The following ZFHX4 variants were observed in gnomAD, a reference collection of about 807,000 sequenced individuals.
The protein encoded by ZFHX4 is zinc finger homeobox 4.
ZFHX4 carries 56 observed loss-of-function variants against 267.6 expected under a neutral mutation model. That is an observed-to-expected ratio of 0.21 (90% CI 0.17 to 0.26). The LOEUF (loss-of-function observed/expected upper bound fraction) is 0.26. Ranked by LOEUF, ZFHX4 falls within the 10% of genes least tolerant of loss-of-function variation. The probability of loss-of-function intolerance (pLI) is 1.00; values close to 1 mark genes in which losing one functional copy is unlikely to be tolerated. For synonymous variants in ZFHX4, 1,778 were observed against 1,665.6 expected (o/e 1.07, Z -1.64); for missense variants, 4,332 against 4,420.0 (o/e 0.98, Z 0.56).
At chr8:76,832,386 G>A (rs1390036739) in intron 4 of ZFHX4, among the ~76,000 whole-genome samples, 1 of 152,080 alleles carries the variant, frequency 6.6e-6, no homozygotes, top group African/African-American at 2.4e-5. Context: ...GGGGCTTGAG[G>A]TTTAGCGAGG....
At chr8:76,697,369 A>G (rs533110639) in intron 1 of ZFHX4, among the ~76,000 whole-genome samples, 2 of 152,108 alleles carry the variant, frequency 1.3e-5, no homozygotes, top group African/African-American at 2.4e-5. Flanking sequence ...ACAGTTATAT[A>G]TAACTTAATA....
intron 3 of ZFHX4, among the ~76,000 whole-genome samples, chr8:76,734,121 C>G (rs1365348284): frequency 6.6e-6 from 1 of 152,092 alleles, no homozygotes; most frequent in African/African-American, 2.4e-5. Context: ...AGGCATGTAC[C>G]TTATTATTAT....
At chr8:76,825,208 G>T (rs1811753531) in intron 4 of ZFHX4, among the ~76,000 whole-genome samples, 1 of 152,186 alleles carries the variant, frequency 6.6e-6, no homozygotes, top group African/African-American at 2.4e-5. Flanking sequence ...GAAGAATTAT[G>T]CATAAGTACA....
chr8:76,844,182 G>A (rs1812308240), intron 6 of ZFHX4, among the ~76,000 whole-genome samples: 1 of 152,136 alleles, frequency 6.6e-6, no homozygotes, highest in South Asian at 2.1e-4. Flanking sequence ...ATTGGAAATA[G>A]CAAGGTGGTT....
chr8:76,811,818 G>C lies in ZFHX4; in HGVS notation c.3326-21520G>C, dbSNP rs548706758. Among the ~76,000 whole-genome samples the C allele has an allele frequency of 2.0e-5, 3 of 152,252 alleles. No individual in the cohort carries two copies. In the East Asian group the frequency reaches 5.8e-4, roughly 29 times the overall value. On this transcript the variant is annotated intron_variant, in intron 4 of 10. Coordinates refer to ENST00000651372, the MANE Select transcript of ZFHX4 (RefSeq NM_024721.5). ...ACATGCCTGTAATCCTAGCTACTCC[G>C]GAGCCTGAGGCAGGAGAATGGCTTG...
intron 4 of ZFHX4, among the ~76,000 whole-genome samples, chr8:76,798,822 T>C (rs1585957006): frequency 6.6e-6 from 1 of 152,282 alleles, no homozygotes; most frequent in East Asian, 1.9e-4. Context: ...CACCTCTTTT[T>C]TTTAAATCAA....
At chr8:76,749,030 G>GA (rs1182590203) in intron 3 of ZFHX4, among the ~76,000 whole-genome samples, 3 of 152,084 alleles carry the variant, frequency 2.0e-5, no homozygotes, top group African/African-American at 7.2e-5. Context: ...TCCAGGTGGG[G>GA]AAAAAACAGT....
At chr8:76,751,086 C>T (rs1809602794) in intron 3 of ZFHX4, among the ~76,000 whole-genome samples, 2 of 152,064 alleles carry the variant, frequency 1.3e-5, no homozygotes, top group South Asian at 4.1e-4. Flanking sequence ...TTCTTGCATC[C>T]TCTATGAAAT....
rs550537362 is a variant in ZFHX4 at position 76,752,692 on chromosome 8, CA to C, written c.3094-25510del. ...TCTCAAAAAACAAAACAAAACAATACAAAAAACAAAAAAACACCCCATGCCC... is the reference window on the plus strand; with the variant it reads ...TCTCAAAAAACAAAACAAAACAATACAAAAACAAAAAAACACCCCATGCCC... On this transcript the variant is annotated intron_variant, in intron 3 of 10. Transcript: ENST00000651372. Among the ~76,000 whole-genome samples, 13 of 151,486 alleles carry C rather than the reference CA, an allele frequency of 8.6e-5. 1 individual carries two copies. In the South Asian group the frequency reaches 2.7e-3, roughly 32 times the overall value.
intron 4 of ZFHX4, among the ~76,000 whole-genome samples, chr8:76,815,125 T>A (rs1380879590): frequency 1.3e-5 from 2 of 152,062 alleles, no homozygotes; most frequent in Non-Finnish European, 2.9e-5. Flanking sequence ...TTATTTGCAG[T>A]ATGGTTAGAA....
chr8:76,687,147 G>A (rs1443818828), intron 1 of ZFHX4, among the ~76,000 whole-genome samples: 1 of 152,164 alleles, frequency 6.6e-6, no homozygotes, highest in Non-Finnish European at 1.5e-5. Context: ...AACAATAATG[G>A]ATTTCAAGTT....
intron 3 of ZFHX4, among the ~76,000 whole-genome samples, chr8:76,732,549 C>T (rs558099425): frequency 1.3e-5 from 2 of 152,162 alleles, no homozygotes; most frequent in African/African-American, 2.4e-5. Context: ...AAAGCAGTGG[C>T]TACACTTGGC....
chr8:76,779,240 T>C (rs1810484106), intron 4 of ZFHX4, among the ~76,000 whole-genome samples: 1 of 152,208 alleles, frequency 6.6e-6, no homozygotes, highest in African/African-American at 2.4e-5. Context: ...AAATCATTAT[T>C]ATGTATTTAA....
intron 4 of ZFHX4, among the ~76,000 whole-genome samples, chr8:76,781,489 T>C (rs1585938361): frequency 6.6e-6 from 1 of 152,068 alleles, no homozygotes; most frequent in East Asian, 1.9e-4. Flanking sequence ...AAAATTGATA[T>C]TTAGAATGAG....
At chr8:76,794,874 TG>T (rs369785124) in intron 4 of ZFHX4, among the ~76,000 whole-genome samples, 958 of 73,802 alleles carry the variant, frequency 0.013, 10 homozygotes, top group African/African-American at 0.081. Context: ...GGCCTGTCAT[TG>T]TGTGTGTGTG....
intron 4 of ZFHX4, among the ~76,000 whole-genome samples, chr8:76,807,355 A>G (rs1248518237): frequency 6.6e-6 from 1 of 152,104 alleles, no homozygotes; most frequent in East Asian, 1.9e-4. Context: ...CATAGTGGAT[A>G]TAATGAATGA....
intron 5 of ZFHX4, among the ~76,000 whole-genome samples, chr8:76,838,509 T>A (rs1166242842): frequency 6.6e-6 from 1 of 152,122 alleles, no homozygotes; most frequent in Non-Finnish European, 1.5e-5. Context: ...GAAGTCAGAT[T>A]TAAGTAGATC....
At chr8:76,805,451 CA>C (rs1811221643) in intron 4 of ZFHX4, among the ~76,000 whole-genome samples, 1 of 152,044 alleles carries the variant, frequency 6.6e-6, no homozygotes, top group African/African-American at 2.4e-5. Context: ...TATGAAGTTT[CA>C]ATCTATTACA....
chr8:76,720,896 T>A (rs1338239890), intron 3 of ZFHX4, among the ~76,000 whole-genome samples: 1 of 152,170 alleles, frequency 6.6e-6, no homozygotes, highest in Non-Finnish European at 1.5e-5. Flanking sequence ...TAAGGTCACA[T>A]AGCTAGTAGT....
Sources: allele counts gnomAD v4.1 joint callset (sites outside exome capture counted in the v4.1 genomes callset), GRCh38; gene constraint gnomAD v4.1.1; transcripts MANE v1.5; gene names NCBI Gene and HGNC (gene_info 2026-07-23, HGNC 2026-07-21).